The following WSB2 variants were observed in gnomAD, a reference collection of about 807,000 sequenced individuals.
WSB2 encodes WD repeat and SOCS box containing 2, also known as WD repeat and SOCS box-containing protein 2.
Under a neutral mutation model 48.8 loss-of-function variants are expected in WSB2, and 12 were observed. The ratio of observed to expected loss-of-function variants is 0.25; its 90% CI spans 0.16 to 0.40. The LOEUF is 0.40. Among genes scored for constraint, WSB2 ranks in the 10% least tolerant of loss-of-function variants. The pLI is 1.00. For missense variants in WSB2, 317 were observed against 506.2 expected, an observed-to-expected ratio of 0.63 and a Z score of 3.59; for synonymous variants, 191 against 203.1, an observed-to-expected ratio of 0.94 and a Z score of 0.51.
At chr12:118,042,995 G>A (rs2031669906) in intron 3 of WSB2, 23 bp from the exon 4 acceptor site, 2 of 1,613,948 alleles carry the variant, frequency 1.2e-6, no homozygotes, top group South Asian at 2.2e-5. Context: ...CAGGGGCACT[G>A]AGTCAGCCAG....
chr12:118,041,173 C>T (rs184015223), intron 4 of WSB2, among the ~76,000 whole-genome samples: 7 of 152,186 alleles, frequency 4.6e-5, no homozygotes, highest in Non-Finnish European at 1.5e-5. Flanking sequence ...ATGTGCCCCC[C>T]ACACATAAAG....
At position 118,032,944 on chromosome 12, in the gene WSB2, G is replaced by A. The variant is rs1005217970; in HGVS notation, c.*1252C>T. ...TGTTTTTTTCTTTTCTTCAATGAAA[G>A]CCTCTCATTTTGAAAAGACATGTTT... On this transcript the variant is annotated 3_prime_UTR_variant, in exon 9 of 9. Transcript: ENST00000315436. The A allele has an allele frequency of 9.2e-5, 14 of 151,858 alleles. No individual in the cohort carries two copies. Among genetic ancestry groups the A allele is most frequent in the African/African-American group, 2.7e-4 (11 of 41,334 alleles). The allele number at this position is 151,858 out of a possible 1,614,324, so 9.4% of individuals were successfully genotyped here.
upstream of WSB2, among the ~76,000 whole-genome samples, chr12:118,061,621 C>A (rs2032069445): frequency 6.7e-6 from 1 of 149,810 alleles, no homozygotes; most frequent in Non-Finnish European, 1.5e-5. Flanking sequence ...GAGAGAAAAA[C>A]CAAGCAGGGG....
At chr12:118,044,318 G>A (rs759535021) in intron 2 of WSB2, among the ~76,000 whole-genome samples, 1 of 152,120 alleles carries the variant, frequency 6.6e-6, no homozygotes, top group Non-Finnish European at 1.5e-5. Flanking sequence ...CCATGAGTAA[G>A]AAAGCATACT....
chr12:118,045,192 T>G (rs771214029), intron 2 of WSB2, among the ~76,000 whole-genome samples: 2 of 151,650 alleles, frequency 1.3e-5, no homozygotes, highest in South Asian at 4.2e-4. Context: ...GTGAAACCCC[T>G]TCTCTACTAA....
chr12:118,040,346 C>T (rs2031610920), intron 4 of WSB2, among the ~76,000 whole-genome samples: 1 of 152,166 alleles, frequency 6.6e-6, no homozygotes, highest in Non-Finnish European at 1.5e-5. Flanking sequence ...ATCCCGCCCA[C>T]TCTTGGTCAC....
In WSB2 at chr12:118,034,328, T is replaced by C. The variant is rs2031449132; in HGVS notation, c.1083A>G (p.Thr361=). 1.2e-6 allele frequency: 2 copies of C among 1,614,084 alleles called. No individual in the cohort carries two copies. The highest frequency in any genetic ancestry group is 8.5e-7 in the Non-Finnish European group (1 of 1,180,026). ...GTRDGHVQFW[T]APRVLSSLKH... ...TCAGTGAGGACAGGACCCTAGGAGC[T>C]GTCCAGAACTGGACGTGGCCATCTC... The change falls in exon 9 of 9, where the codon ACA becomes ACG. Residue 361 remains threonine (T), a synonymous_variant. Coordinates refer to ENST00000315436, the MANE Select transcript of WSB2 (RefSeq NM_018639.5).
chr12:118,038,502 T>G, intron 4 of WSB2, 114 bp from the exon 5 acceptor site: 1 of 899,688 alleles, frequency 1.1e-6, no homozygotes, highest in Non-Finnish European at 1.7e-6. Context: ...TCAGCTCCTA[T>G]CAGCTGGGCC....
At chr12:118,053,301 T>C (rs891560229) in intron 1 of WSB2, among the ~76,000 whole-genome samples, 2 of 152,112 alleles carry the variant, frequency 1.3e-5, no homozygotes, top group South Asian at 2.1e-4. Context: ...CTCCTTGACA[T>C]GCAAGGGGCT....
chr12:118,040,866 G>A, intron 4 of WSB2, among the ~76,000 whole-genome samples: 1 of 152,126 alleles, frequency 6.6e-6, no homozygotes, highest in East Asian at 1.9e-4. Context: ...TGGCCAACGT[G>A]GTGAAACCCT....
intron 4 of WSB2, 100 bp from the exon 5 acceptor site, chr12:118,038,488 C>G: frequency 1.9e-6 from 2 of 1,031,130 alleles, no homozygotes; most frequent in African/African-American, 1.6e-5. Flanking sequence ...GCCCAGTATA[C>G]CCATCAGCTC....
intron 2 of WSB2, among the ~76,000 whole-genome samples, chr12:118,046,196 C>T (rs2137782790): frequency 6.6e-6 from 1 of 152,280 alleles, no homozygotes; most frequent in East Asian, 1.9e-4. Context: ...TACCATGGCT[C>T]ACGCCTGTAA....
At chr12:118,057,885 T>G (rs185159266) in intron 1 of WSB2, among the ~76,000 whole-genome samples, 10 of 151,440 alleles carry the variant, frequency 6.6e-5, no homozygotes, top group South Asian at 4.2e-4. Flanking sequence ...CAGCCTCCTG[T>G]GTATCGGGCT....
At chr12:118,055,011 T>C (rs1330668630) in intron 1 of WSB2, among the ~76,000 whole-genome samples, 3 of 139,214 alleles carry the variant, frequency 2.2e-5, no homozygotes, top group South Asian at 2.4e-4. Context: ...AGACTCCATC[T>C]CTTTAAAAAA....
chr12:118,043,135 G>C lies in WSB2; in HGVS notation c.425C>G (p.Thr142Arg). The change falls in exon 3 of 9, where the codon ACA (threonine) becomes AGA (arginine). Residue 142 changes from threonine to arginine, a missense_variant and splice_region_variant. Physicochemically the swap from Thr to Arg is moderately conservative, Grantham distance 71. Around this residue, in one of 2 missense-constraint regions of WSB2, gnomAD observed 189 missense variants for 349.6 expected, o/e 0.54. Coordinates refer to ENST00000315436, the MANE Select transcript of WSB2 (RefSeq NM_018639.5). ...DGQIKIWEVQ[T>R]GLLLLNLSGH... ...TGTGCCAGCCAGGAATGACCTACCT[G>C]TCTGCACCTCCCAGATCTTGATCTG... 6.2e-7 allele frequency: 1 copy of C among 1,614,238 alleles called. No individual in the cohort carries two copies. The highest frequency in any genetic ancestry group is 2.2e-5 in the East Asian group (1 of 44,884).
chr12:118,041,889 G>A (rs1033127086), intron 4 of WSB2, among the ~76,000 whole-genome samples: 2 of 151,694 alleles, frequency 1.3e-5, no homozygotes, highest in African/African-American at 4.8e-5. Flanking sequence ...CGAGTAGCTG[G>A]GACTACAGGC....
chr12:118,060,971 C>G lies in WSB2; in HGVS notation c.13+65G>C. 1 of 841,786 alleles carries G rather than the reference C, an allele frequency of 1.2e-6. No individual in the cohort carries two copies. The highest frequency in any genetic ancestry group is 1.4e-6 in the Non-Finnish European group (1 of 697,420). The allele number at this position is 841,786 out of a possible 1,614,324, so 52.1% of individuals were successfully genotyped here. Reference sequence around the variant, plus strand: ...CCAGCCCGCCCCGGGGTCGCCTCCCCCCTCCCCGGGGAGAACGGGCCAGGG... The same window carrying G: ...CCAGCCCGCCCCGGGGTCGCCTCCCGCCTCCCCGGGGAGAACGGGCCAGGG... On this transcript the variant is annotated intron_variant, in intron 1 of 8. Transcript: ENST00000315436. This position sits in a 1 kb window ranked among gnomAD's most constrained non-coding sequence, Gnocchi z 4.1.
intron 4 of WSB2, 136 bp from the exon 5 acceptor site, chr12:118,038,524 T>C (rs1393475230): frequency 1.5e-6 from 1 of 669,856 alleles, no homozygotes; most frequent in Admixed American, 3.2e-5. Context: ...AAGGGTCCAA[T>C]TTTTAATTCA....
Position 118,048,481 on chromosome 12 carries a change from G to A in WSB2, c.182+3829C>T, listed in dbSNP as rs1269818743. On this transcript the variant is annotated intron_variant, in intron 2 of 8. Coordinates refer to ENST00000315436, the MANE Select transcript of WSB2 (RefSeq NM_018639.5). ...GGCACACGCCTGTAATCCCAGTTAG[G>A]AGGCTGAAGCAGGAGGACCACTTGA... Among the ~76,000 whole-genome samples, 5 of 151,782 alleles carry A rather than the reference G, an allele frequency of 3.3e-5. No homozygotes were observed. The South Asian group carries it at 6.2e-4, about 19-fold the overall frequency.
Sources: allele counts gnomAD v4.1 joint callset (sites outside exome capture counted in the v4.1 genomes callset), GRCh38; gene constraint gnomAD v4.1.1; regional missense constraint gnomAD v4.1.1; non-coding constraint Gnocchi (gnomAD v3.1); transcripts MANE v1.5; gene names NCBI Gene and HGNC (gene_info 2026-07-23, HGNC 2026-07-21).